The following RLF variants were observed in gnomAD, a reference collection of about 807,000 sequenced individuals.
RLF encodes RLF zinc finger.
RLF carries 7 observed loss-of-function variants against 162.9 expected under a neutral mutation model. The observed-to-expected ratio is 0.04, with a 90% CI of 0.02 to 0.08. RLF has a LOEUF of 0.08. Among genes scored for constraint, RLF ranks in the 10% least tolerant of loss-of-function variants. The pLI is 1.00. For missense variants in RLF, 1,664 were observed against 2,244.7 expected, an observed-to-expected ratio of 0.74 and a Z score of 5.23; for synonymous variants, 782 against 791.5, an observed-to-expected ratio of 0.99 and a Z score of 0.20.
At chr1:40,219,388 T>C (rs1225577604) in intron 5 of RLF, among the ~76,000 whole-genome samples, 1 of 152,162 alleles carries the variant, frequency 6.6e-6, no homozygotes, top group African/African-American at 2.4e-5. Context: ...TAGTATCTGT[T>C]TTCAAGGGAT....
At chr1:40,165,211 C>T (rs543307953) in intron 1 of RLF, among the ~76,000 whole-genome samples, 13 of 152,266 alleles carry the variant, frequency 8.5e-5, no homozygotes, top group African/African-American at 3.1e-4. Flanking sequence ...CTTTTCAGCC[C>T]TCCCCTTGTC....
At chr1:40,178,672 TC>T (rs1398255394) in intron 1 of RLF, among the ~76,000 whole-genome samples, 2 of 107,302 alleles carry the variant, frequency 1.9e-5, no homozygotes, top group African/African-American at 3.6e-5. Context: ...CTTGCTATGG[TC>T]TTTTTTGTTT....
At chr1:40,235,645 T>C (rs1156663404) in intron 7 of RLF, 147 bp from the exon 8 acceptor site, 1 of 598,208 alleles carries the variant, frequency 1.7e-6, no homozygotes, top group Admixed American at 3.6e-5. Context: ...AGACAAGAAA[T>C]ATCTAAATGT....
chr1:40,219,338 A>G (rs1336199117), intron 5 of RLF, among the ~76,000 whole-genome samples: 1 of 152,188 alleles, frequency 6.6e-6, no homozygotes, highest in East Asian at 1.9e-4. Flanking sequence ...TGAAGATCCT[A>G]AAACAGGTGC....
At chr1:40,206,634 A>G (rs1475615881) in intron 5 of RLF, among the ~76,000 whole-genome samples, 1 of 152,174 alleles carries the variant, frequency 6.6e-6, no homozygotes. Flanking sequence ...TCTTACTCAG[A>G]ATACATTCAG....
At chr1:40,167,072 T>C (rs1642177687) in intron 1 of RLF, among the ~76,000 whole-genome samples, 1 of 152,168 alleles carries the variant, frequency 6.6e-6, no homozygotes, top group Non-Finnish European at 1.5e-5. Flanking sequence ...GAGACATTAT[T>C]TATCAATCTA....
chr1:40,193,491 A>G (rs941197654), intron 3 of RLF, among the ~76,000 whole-genome samples: 1 of 152,182 alleles, frequency 6.6e-6, no homozygotes, highest in Non-Finnish European at 1.5e-5. Flanking sequence ...GTGTAATGGT[A>G]CAGGTCAGTT....
At chr1:40,177,435 G>A (rs887142393) in intron 1 of RLF, among the ~76,000 whole-genome samples, 9 of 151,664 alleles carry the variant, frequency 5.9e-5, no homozygotes, top group South Asian at 4.2e-4. Flanking sequence ...GACTACAGGC[G>A]CCCGCCACCA....
chr1:40,169,622 C>CAAAAAAAAAA (rs886534976), intron 1 of RLF, among the ~76,000 whole-genome samples: 1 of 46,990 alleles, frequency 2.1e-5, no homozygotes, highest in African/African-American at 8.7e-5. Flanking sequence ...GACTCCGTCT[C>CAAAAAAAAAA]AAAAAAAAAA....
At chr1:40,183,981 C>G (rs1570525344) in intron 1 of RLF, among the ~76,000 whole-genome samples, 1 of 152,212 alleles carries the variant, frequency 6.6e-6, no homozygotes, top group East Asian at 1.9e-4. Context: ...TTAAATGTGA[C>G]CATCCTGAAA....
intron 1 of RLF, among the ~76,000 whole-genome samples, chr1:40,179,399 A>T (rs1241783752): frequency 6.6e-6 from 1 of 152,182 alleles, no homozygotes; most frequent in Non-Finnish European, 1.5e-5. Flanking sequence ...CAGTCCTTTT[A>T]GTAATAATGG....
chr1:40,195,722 C>G lies in RLF; in HGVS notation c.565C>G (p.Leu189Val). The G allele has an allele frequency of 1.2e-6, 2 of 1,613,722 alleles. No homozygotes were observed. Among genetic ancestry groups the G allele is most frequent in the South Asian group, 1.1e-5 (1 of 91,046 alleles). The change falls in exon 4 of 8, where the codon CTT becomes GTT. Residue 189 changes from leucine to valine, a missense_variant. By Grantham distance (32) the Leu-to-Val change is conservative (BLOSUM62 1). Around this residue, in one of 15 missense-constraint regions of RLF, gnomAD observed 287 missense variants for 404.9 expected, o/e 0.71. Coordinates refer to ENST00000372771, the MANE Select transcript of RLF (RefSeq NM_012421.4). Reference sequence around the variant, plus strand: ...GGAAGGGGTGTGGAAAAACCCAGTTCTTCTTAAAATTCTGTCTCAACAGCC... The same window carrying G: ...GGAAGGGGTGTGGAAAAACCCAGTTGTTCTTAAAATTCTGTCTCAACAGCC... ...TKEGVWKNPV[L>V]LKILSQQPVE...
intron 4 of RLF, among the ~76,000 whole-genome samples, chr1:40,197,995 G>A (rs1322746483): frequency 6.6e-6 from 1 of 151,964 alleles, no homozygotes; most frequent in Non-Finnish European, 1.5e-5. Context: ...CCATGGAAGA[G>A]CTGTTTTTCT....
intron 6 of RLF, among the ~76,000 whole-genome samples, chr1:40,226,294 T>G (rs1456255006): frequency 6.6e-6 from 1 of 152,154 alleles, no homozygotes; most frequent in Non-Finnish European, 1.5e-5. Context: ...GTAACGTAAT[T>G]GGAATAGTCA....
chr1:40,208,798 C>T (rs925645282), intron 5 of RLF, among the ~76,000 whole-genome samples: 2 of 152,128 alleles, frequency 1.3e-5, no homozygotes, highest in Non-Finnish European at 2.9e-5. Flanking sequence ...GCCTAGATGA[C>T]AGAGTAAGAC....
intron 5 of RLF, among the ~76,000 whole-genome samples, chr1:40,218,510 C>A (rs911505796): frequency 6.6e-6 from 1 of 152,194 alleles, no homozygotes; most frequent in African/African-American, 2.4e-5. Context: ...CGTGACATCA[C>A]GCATTGCCGT....
intron 5 of RLF, among the ~76,000 whole-genome samples, chr1:40,215,941 G>A (rs918684991): frequency 2.0e-5 from 3 of 151,698 alleles, no homozygotes; most frequent in African/African-American, 7.3e-5. Flanking sequence ...AAAGATTAGA[G>A]TATAAATAAA....
chr1:40,204,932 A>G (rs921544170), intron 5 of RLF, among the ~76,000 whole-genome samples: 1 of 152,246 alleles, frequency 6.6e-6, no homozygotes, highest in East Asian at 1.9e-4. Context: ...CTATTCATCT[A>G]CCAGCATCTA....
intron 5 of RLF, among the ~76,000 whole-genome samples, chr1:40,212,789 A>T (rs1407965974): frequency 6.6e-6 from 1 of 152,232 alleles, no homozygotes; most frequent in African/African-American, 2.4e-5. Flanking sequence ...ACTGTTGGGA[A>T]TTGACACAGT....
Sources: allele counts gnomAD v4.1 joint callset (sites outside exome capture counted in the v4.1 genomes callset), GRCh38; gene constraint gnomAD v4.1.1; regional missense constraint gnomAD v4.1.1; transcripts MANE v1.5; gene names NCBI Gene and HGNC (gene_info 2026-07-23, HGNC 2026-07-21).